The following UNC13B variants were observed in gnomAD, a reference collection of about 807,000 sequenced individuals.
UNC13B encodes the protein protein unc-13 homolog B.
UNC13B carries 144 observed loss-of-function variants against 211.0 expected under a neutral mutation model. The ratio of observed to expected loss-of-function variants is 0.68; its 90% CI spans 0.60 to 0.78. The LOEUF is 0.78. Among genes scored for constraint, UNC13B ranks in the 30% least tolerant of loss-of-function variants. The pLI is 0.00. For synonymous variants in UNC13B, 709 were observed against 725.8 expected, an observed-to-expected ratio of 0.98 and a Z score of 0.37; for missense variants, 1,777 against 2,002.0, an observed-to-expected ratio of 0.89 and a Z score of 2.14.
intron 7 of UNC13B, among the ~76,000 whole-genome samples, chr9:35,267,326 C>A (rs146859494): frequency 6.6e-6 from 1 of 152,330 alleles, no homozygotes; most frequent in East Asian, 1.9e-4. Context: ...ATGTCTCTCT[C>A]AGAAGTGTTC....
chr9:35,297,547 C>CTTTTTTTTTTCTT (rs1564119982), intron 8 of UNC13B, among the ~76,000 whole-genome samples: 1 of 100,876 alleles, frequency 9.9e-6, no homozygotes, highest in African/African-American at 4.1e-5. Context: ...CATACTTTGT[C>CTTTTTTTTTTCTT]TTTTTTTTTT....
intron 1 of UNC13B, among the ~76,000 whole-genome samples, chr9:35,215,140 TCATGC>T (rs1378786417): frequency 6.6e-6 from 1 of 152,194 alleles, no homozygotes; most frequent in Admixed American, 6.5e-5. Flanking sequence ...TAGTGGTGGC[TCATGC>T]CTATCATCCC....
intron 7 of UNC13B, among the ~76,000 whole-genome samples, chr9:35,283,891 AAG>A (rs1564112413): frequency 6.6e-6 from 1 of 152,140 alleles, no homozygotes; most frequent in Non-Finnish European, 1.5e-5. Context: ...AAGGAGTAGG[AAG>A]AGTTTTGCTG....
In UNC13B at chr9:35,242,462, C is replaced by A. The variant is rs1481833458; in HGVS notation, c.395-829C>A. The stretch of plus-strand genomic sequence containing the variant: ...ACTTCTCATTTCCCCCTCCCCACAG[C>A]CACTGGCAACGACCATTCTTTCTTT... On this transcript the variant is annotated intron_variant, in intron 5 of 39. Coordinates refer to ENST00000635942, the MANE Select transcript of UNC13B (RefSeq NM_001371189.2). Among the ~76,000 whole-genome samples, 3 of 152,130 alleles carry A rather than the reference C, an allele frequency of 2.0e-5. No homozygotes were observed. The East Asian group carries it at 5.8e-4, about 29-fold the overall frequency.
chr9:35,400,156 C>G (rs1836197214), intron 36 of UNC13B, 140 bp from the exon 37 acceptor site: 2 of 1,232,368 alleles, frequency 1.6e-6, no homozygotes, highest in African/African-American at 3.0e-5. Flanking sequence ...AATACTCATC[C>G]AAGAGCCTAT....
intron 7 of UNC13B, among the ~76,000 whole-genome samples, chr9:35,263,617 A>G (rs2131644363): frequency 6.6e-6 from 1 of 152,242 alleles, no homozygotes; most frequent in Admixed American, 6.5e-5. Context: ...GTGTTTATGT[A>G]TATATATACA....
At chr9:35,310,831 C>A in intron 10 of UNC13B, 50 bp downstream of exon 10, 1 of 1,530,538 alleles carries the variant, frequency 6.5e-7, no homozygotes, top group Non-Finnish European at 8.9e-7. Context: ...CAGTACCTGC[C>A]CTGTGGTATT....
intron 11 of UNC13B, among the ~76,000 whole-genome samples, chr9:35,337,378 C>T (rs1831724289): frequency 6.6e-6 from 1 of 152,146 alleles, no homozygotes; most frequent in Non-Finnish European, 1.5e-5. Flanking sequence ...GCTTCTCTCA[C>T]TGGGTAAAGA....
chr9:35,266,888 G>A (rs1320566618), intron 7 of UNC13B, among the ~76,000 whole-genome samples: 1 of 152,200 alleles, frequency 6.6e-6, no homozygotes, highest in Non-Finnish European at 1.5e-5. Flanking sequence ...GAAAGGTAAG[G>A]CAGAGAGCAG....
chr9:35,300,466 A>C lies in UNC13B; in HGVS notation c.1062A>C (p.Ser354=). The change falls in exon 9 of 40, where the codon TCA becomes TCC. Residue 354 remains serine, a synonymous_variant. Coordinates refer to ENST00000635942, the MANE Select transcript of UNC13B (RefSeq NM_001371189.2). ...LSSCLRHCEK[S]SGSNQHVTNF... Reference sequence around the variant, plus strand: ...GTTGTTTAAGGCACTGTGAAAAGTCATCTGGCTCAAACCAGCATGTCACTA... The same window carrying C: ...GTTGTTTAAGGCACTGTGAAAAGTCCTCTGGCTCAAACCAGCATGTCACTA... 2.5e-6 allele frequency: 1 copy of C among 399,026 alleles called. No homozygotes were observed. Among genetic ancestry groups the C allele is most frequent in the Middle Eastern group, 6.3e-4 (1 of 1,588 alleles). The allele number at this position is 399,026 out of a possible 1,614,324, so 24.7% of individuals were successfully genotyped here.
At position 35,303,554 on chromosome 9, in the gene UNC13B, TTTC is replaced by T. The variant is rs2131833772; in HGVS notation, c.4152_4154del (p.Phe1384del). On this transcript the variant is annotated inframe_deletion, in exon 9 of 40. Transcript: ENST00000635942. ...TTATTATATGTTAAATCAAAATAGATTTCTATCAGCCGATGCTTGCTTGTGGCT... is the reference window on the plus strand; with the variant it reads ...TTATTATATGTTAAATCAAAATAGATTATCAGCCGATGCTTGCTTGTGGCT... 1 of 398,750 alleles carries T rather than the reference TTTC, an allele frequency of 2.5e-6. No homozygotes were observed. The highest frequency in any genetic ancestry group is 4.4e-6 in the Non-Finnish European group (1 of 225,834). The allele number at this position is 398,750 out of a possible 1,614,324, so 24.7% of individuals were successfully genotyped here.
intron 7 of UNC13B, among the ~76,000 whole-genome samples, chr9:35,291,609 T>C (rs1829101694): frequency 6.6e-6 from 1 of 152,212 alleles, no homozygotes; most frequent in South Asian, 2.1e-4. Context: ...AACCTGCTTT[T>C]GTTAAGGAAA....
intron 1 of UNC13B, among the ~76,000 whole-genome samples, chr9:35,214,436 C>T (rs1198227642): frequency 6.6e-6 from 1 of 151,858 alleles, no homozygotes; most frequent in Non-Finnish European, 1.5e-5. Context: ...CAAAAACAAA[C>T]AAACAATCAA....
At position 35,384,488 on chromosome 9, in the gene UNC13B, ATGT is replaced by A. The variant is rs1012163158; in HGVS notation, c.10875+175_10875+177del. ...TGTGGTTCTTTTAACTCCAGGGACC[ATGT>A]GGTGTATAAATAGCAGCAGGTATGG... is the stretch of plus-strand genomic sequence containing the variant. On this transcript the variant is annotated intron_variant, in intron 22 of 39. Coordinates refer to ENST00000635942, the MANE Select transcript of UNC13B (RefSeq NM_001371189.2). The A allele has an allele frequency of 1.8e-5, 18 of 985,460 alleles. No individual in the cohort carries two copies. In the Admixed American group the frequency reaches 6.8e-4, roughly 37 times the overall value. The allele number at this position is 985,460 out of a possible 1,614,324, so 61.0% of individuals were successfully genotyped here. A position where few individuals can be genotyped will look rare whatever the true frequency, so the allele number is the denominator to read the frequency against.
In UNC13B at chr9:35,261,713, C is replaced by A. The variant is rs1419094566; in HGVS notation, c.526+2663C>A. 5.3e-5 allele frequency among the ~76,000 whole-genome samples: 8 copies of A among 152,208 alleles called. No individual in the cohort carries two copies. In the Middle Eastern group the frequency reaches 0.01, roughly 194 times the overall value. The stretch of plus-strand genomic sequence containing the variant: ...TTGTGCTAGCAAATACTAGATCTTA[C>A]TCATTCTAGATAACTATTTTTGTAC... On this transcript the variant is annotated intron_variant, in intron 7 of 39. Coordinates refer to ENST00000635942, the MANE Select transcript of UNC13B (RefSeq NM_001371189.2).
Position 35,303,518 on chromosome 9 carries a change from CT to C in UNC13B, c.4116del (p.Gln1373SerfsTer7). ...AGATTTGTCTAAAAATTCCAGAAAA[CT>C]TCAGCCAGTTTATTATATGTTAAAT... ...IKDLSKNSRKLQPVYYMLNQN... is the reference protein window; with the variant it reads ...IKDLSKNSRKXQPVYYMLNQN... On this transcript the variant is annotated frameshift_variant, in exon 9 of 40. Transcript: ENST00000635942. LOFTEE classifies it high-confidence loss of function. 2.5e-6 allele frequency: 1 copy of C among 398,734 alleles called. No individual in the cohort carries two copies. The highest frequency in any genetic ancestry group is 4.4e-6 in the Non-Finnish European group (1 of 225,834). The allele number at this position is 398,734 out of a possible 1,614,324, so 24.7% of individuals were successfully genotyped here. A position where few individuals can be genotyped will look rare whatever the true frequency, so the allele number is the denominator to read the frequency against.
intron 11 of UNC13B, among the ~76,000 whole-genome samples, chr9:35,332,505 T>A (rs1831429527): frequency 1.3e-5 from 2 of 152,334 alleles, no homozygotes; most frequent in South Asian, 4.1e-4. Flanking sequence ...CTTAGATCAT[T>A]TGCCAGCTCT....
intron 7 of UNC13B, among the ~76,000 whole-genome samples, chr9:35,263,383 T>C (rs1233924862): frequency 1.3e-5 from 2 of 151,822 alleles, no homozygotes; most frequent in Non-Finnish European, 2.9e-5. Flanking sequence ...TCAGTATACT[T>C]GGGGGATTGC....
intron 1 of UNC13B, among the ~76,000 whole-genome samples, chr9:35,199,074 T>C (rs1223548385): frequency 3.3e-5 from 5 of 152,144 alleles, no homozygotes; most frequent in African/African-American, 9.7e-5. Context: ...TTCCCACCTA[T>C]GAGTGAGAAC....
Sources: gnomAD v4.1 joint callset for allele counts (sites outside exome capture counted in the v4.1 genomes callset) on GRCh38, gnomAD v4.1.1 for gene constraint, MANE v1.5 for transcripts, NCBI Gene and HGNC (gene_info 2026-07-23, HGNC 2026-07-21) for gene names.